Variants in CLSTN1 observed in about 807,000 individuals in gnomAD.
CLSTN1 encodes calsyntenin-1.
A neutral mutation model predicts 108.3 loss-of-function variants in CLSTN1; 28 were observed. The observed-to-expected ratio is 0.26, with a 90% CI of 0.19 to 0.35. CLSTN1 has a LOEUF of 0.35. Among genes scored for constraint, CLSTN1 ranks in the 10% least tolerant of loss-of-function variants. The probability of loss-of-function intolerance (pLI) is 1.00; values close to 1 mark genes in which losing one functional copy is unlikely to be tolerated. For synonymous variants in CLSTN1, 524 were observed against 534.9 expected (o/e 0.98, Z 0.28); for missense variants, 1,157 against 1,302.6 (o/e 0.89, Z 1.72).
At chr1:9,772,101 G>A (rs1255162871) in intron 2 of CLSTN1, among the ~76,000 whole-genome samples, 8 of 136,740 alleles carry the variant, frequency 5.9e-5, no homozygotes, top group South Asian at 4.8e-4. Context: ...CTCTGCCTCC[G>A]GAGTACCTAG....
intron 1 of CLSTN1, among the ~76,000 whole-genome samples, chr1:9,791,161 AAG>A (rs1653755664): frequency 6.7e-6 from 1 of 150,146 alleles, no homozygotes; most frequent in Non-Finnish European, 1.5e-5. Flanking sequence ...AAAAAAAAAA[AAG>A]ATGGAATTGT....
At chr1:9,748,830 AACTC>A (rs1273268530) in intron 7 of CLSTN1, among the ~76,000 whole-genome samples, 1 of 151,938 alleles carries the variant, frequency 6.6e-6, no homozygotes, top group Non-Finnish European at 1.5e-5. Context: ...TTTCATGTAA[AACTC>A]ACTCCATGTA....
At chr1:9,760,937 G>A (rs997766151) in intron 2 of CLSTN1, among the ~76,000 whole-genome samples, 4 of 151,844 alleles carry the variant, frequency 2.6e-5, no homozygotes, top group Admixed American at 6.6e-5. Flanking sequence ...AACCTCATCC[G>A]TTGCAGGGAA....
chr1:9,791,013 T>C (rs1653743260), intron 1 of CLSTN1, among the ~76,000 whole-genome samples: 1 of 150,618 alleles, frequency 6.6e-6, no homozygotes, highest in Non-Finnish European at 1.5e-5. Context: ...GCGCCTGTAG[T>C]CCCAGCTACT....
intron 7 of CLSTN1, 28 bp from the exon 8 acceptor site, chr1:9,744,671 A>G (rs1282849887): frequency 2.5e-6 from 4 of 1,586,038 alleles, no homozygotes; most frequent in Non-Finnish European, 3.4e-6. Context: ...GGTGAAACTC[A>G]TGTGAGGAGC....
intron 1 of CLSTN1, among the ~76,000 whole-genome samples, chr1:9,799,003 G>C (rs1414775813): frequency 6.6e-6 from 1 of 151,890 alleles, no homozygotes; most frequent in Non-Finnish European, 1.5e-5. Flanking sequence ...AACAAAGTGA[G>C]ACCTCATCTC....
intron 2 of CLSTN1, among the ~76,000 whole-genome samples, chr1:9,762,710 C>T (rs972463374): frequency 5.3e-5 from 8 of 150,616 alleles, no homozygotes; most frequent in Non-Finnish European, 1.2e-4. Context: ...CCGCTGCACT[C>T]GGCCTTGGTG....
intron 1 of CLSTN1, among the ~76,000 whole-genome samples, chr1:9,816,415 G>A (rs1299420354): frequency 6.6e-6 from 1 of 151,918 alleles, no homozygotes; most frequent in Non-Finnish European, 1.5e-5. Context: ...TGATGAAAGT[G>A]TTCTGAAATT....
At chr1:9,804,630 A>G (rs1258024559) in intron 1 of CLSTN1, among the ~76,000 whole-genome samples, 1 of 152,128 alleles carries the variant, frequency 6.6e-6, no homozygotes, top group Non-Finnish European at 1.5e-5. Context: ...GGATCACTTG[A>G]GCCCAGGATT....
At chr1:9,770,471 A>C (rs1652617363) in intron 2 of CLSTN1, among the ~76,000 whole-genome samples, 1 of 152,216 alleles carries the variant, frequency 6.6e-6, no homozygotes, top group Non-Finnish European at 1.5e-5. Context: ...AGATGTAGCT[A>C]CGTCATCGTA....
rs145547060 is a variant in CLSTN1, at chr1:9,806,618, G to A, written c.91+17025C>T. On this transcript the variant is annotated intron_variant, in intron 1 of 18. Coordinates refer to ENST00000377298, the MANE Select transcript of CLSTN1 (RefSeq NM_001009566.3). ...CACGAGGCCGGGCGCGGTGGCTCACGCCTGTAATCCCAGCACTTTGGGAGG... is the reference window on the plus strand; with the variant it reads ...CACGAGGCCGGGCGCGGTGGCTCACACCTGTAATCCCAGCACTTTGGGAGG... Among the ~76,000 whole-genome samples the A allele has an allele frequency of 4.4e-3, 669 of 152,172 alleles. 8 individuals are homozygous for A. Among genetic ancestry groups the A allele is most frequent in the African/African-American group, 0.015 (625 of 41,516 alleles).
intron 9 of CLSTN1, among the ~76,000 whole-genome samples, chr1:9,742,765 G>T (rs545680220): frequency 6.6e-6 from 1 of 152,000 alleles, no homozygotes; most frequent in Non-Finnish European, 1.5e-5. Flanking sequence ...AAAATTAGCC[G>T]GGCGTGGTGG....
At chr1:9,761,555 T>C (rs1366469948) in intron 2 of CLSTN1, among the ~76,000 whole-genome samples, 1 of 152,046 alleles carries the variant, frequency 6.6e-6, no homozygotes, top group African/African-American at 2.4e-5. Context: ...CATAAAAATA[T>C]GAAAAATGGA....
intron 1 of CLSTN1, among the ~76,000 whole-genome samples, chr1:9,788,992 T>C (rs1653634453): frequency 6.6e-6 from 1 of 151,322 alleles, no homozygotes; most frequent in Non-Finnish European, 1.5e-5. Context: ...GGTGCCCCCC[T>C]GCTGTGGCAT....
At chr1:9,801,807 C>G (rs911159114) in intron 1 of CLSTN1, among the ~76,000 whole-genome samples, 2 of 152,170 alleles carry the variant, frequency 1.3e-5, no homozygotes, top group African/African-American at 4.8e-5. Flanking sequence ...CCGCCCACCT[C>G]TGCTTCCCAA....
rs764400696 is a variant in CLSTN1, at chr1:9,744,438, G to T, written c.1191C>A (p.Phe397Leu). 3.1e-6 allele frequency: 5 copies of T among 1,610,232 alleles called. No individual in the cohort carries two copies. Among genetic ancestry groups the T allele is most frequent in the Admixed American group, 1.7e-5 (1 of 59,956 alleles). Residue 397 changes from phenylalanine to leucine, a missense_variant, in exon 8 of 19, where the codon TTC becomes TTA. Coordinates refer to ENST00000377298, the MANE Select transcript of CLSTN1 (RefSeq NM_001009566.3). ...TISVWMRHGP[F>L]GRKKETILCS... Reference sequence around the variant, plus strand: ...AAAGAATTGTCTCCTTCTTCCTGCCGAATGGCCCATGTCTCATCCACACCG... The same window carrying T: ...AAAGAATTGTCTCCTTCTTCCTGCCTAATGGCCCATGTCTCATCCACACCG...
intron 10 of CLSTN1, 46 bp from the exon 11 acceptor site, chr1:9,737,600 A>AC: frequency 6.4e-7 from 1 of 1,568,384 alleles, no homozygotes; most frequent in Non-Finnish European, 8.8e-7. Context: ...CTGAGAGGTT[A>AC]GGGTCTTCAA....
chr1:9,743,845 C>A (rs909331815), intron 9 of CLSTN1, 39 bp downstream of exon 9: 1 of 1,610,454 alleles, frequency 6.2e-7, no homozygotes, highest in Non-Finnish European at 8.5e-7. Flanking sequence ...GGTGTGAGCA[C>A]CTTGCCCGGC....
At chr1:9,792,081 C>G (rs967012131) in intron 1 of CLSTN1, among the ~76,000 whole-genome samples, 1 of 150,940 alleles carries the variant, frequency 6.6e-6, no homozygotes, top group African/African-American at 2.4e-5. Context: ...ACTCAGGAGG[C>G]TGGGGCAGGA....
Sources: allele counts gnomAD v4.1 joint callset (sites outside exome capture counted in the v4.1 genomes callset), GRCh38; gene constraint gnomAD v4.1.1; transcripts MANE v1.5; gene names NCBI Gene and HGNC (gene_info 2026-07-23, HGNC 2026-07-21).